Variants in STS observed in about 807,000 individuals in gnomAD.
The protein encoded by STS is steryl-sulfatase.
STS carries 7 observed loss-of-function variants against 26.8 expected under a neutral mutation model. That is an observed-to-expected ratio of 0.26 (90% CI 0.15 to 0.49). The LOEUF is 0.49. Ranked by LOEUF, STS falls within the 20% of genes least tolerant of loss-of-function variation. The pLI, the probability that STS is intolerant of heterozygous loss-of-function variation, is 0.98. For synonymous variants in STS, 199 were observed against 189.4 expected (o/e 1.05, Z -0.42); for missense variants, 434 against 465.6 (o/e 0.93, Z 0.63).
chrX:7,347,055 C>T (rs977458086), intron 10 of STS, among the ~76,000 whole-genome samples: 1 of 112,048 alleles, frequency 8.9e-6, no homozygotes, highest in African/African-American at 3.2e-5. Flanking sequence ...AGTGATAATG[C>T]AAGACCCTGT....
intron 6 of STS, among the ~76,000 whole-genome samples, chrX:7,267,222 C>T (rs1816751282): frequency 8.9e-6 from 1 of 111,915 alleles, no homozygotes; most frequent in Admixed American, 9.5e-5. Flanking sequence ...GTCTCAACAC[C>T]TTTCTCCAGA....
At chrX:7,180,671 A>G (rs982568731) in intron 1 of STS, among the ~76,000 whole-genome samples, 3 of 112,112 alleles carry the variant, frequency 2.7e-5, no homozygotes, top group Non-Finnish European at 5.6e-5. Flanking sequence ...TTCTGCCTGT[A>G]AAACTAGGTG....
At chrX:7,223,607 G>T (rs1383752675) in intron 2 of STS, among the ~76,000 whole-genome samples, 2 of 107,527 alleles carry the variant, frequency 1.9e-5, no homozygotes, top group East Asian at 2.9e-4. Context: ...ATTTGTTTTT[G>T]TTTTTTTTTC....
Position 7,315,207 on chromosome X carries a change from A to G in STS, c.1081+10024A>G, listed in dbSNP as rs1228613490. On this transcript the variant is annotated intron_variant, in intron 8 of 10. Transcript: ENST00000674429. ...TTTCACTATTACTTTAGTTGATTTA[A>G]CAGTGCATTAGACAGTTTGTTCTCA... Among the ~76,000 whole-genome samples the G allele has an allele frequency of 2.7e-5, 3 of 112,357 alleles. No individual in the cohort carries two copies. In the East Asian group the frequency reaches 8.3e-4, roughly 31 times the overall value.
At chrX:7,204,188 T>A (rs1788608208) in intron 2 of STS, among the ~76,000 whole-genome samples, 1 of 111,826 alleles carries the variant, frequency 8.9e-6, no homozygotes, top group Non-Finnish European at 1.9e-5. Flanking sequence ...TGAAAAAATA[T>A]TCTTCAAAAA....
intron 3 of STS, among the ~76,000 whole-genome samples, chrX:7,254,732 C>T (rs1318841829): frequency 3.7e-5 from 4 of 108,568 alleles, no homozygotes; most frequent in East Asian, 2.9e-4. Context: ...TACAGGTGTG[C>T]GCCACCATGC....
chrX:7,293,248 G>T (rs775775341), intron 7 of STS, among the ~76,000 whole-genome samples: 197 of 112,041 alleles, frequency 1.8e-3, no homozygotes, highest in Middle Eastern at 4.6e-3. Flanking sequence ...CCACAAAAAT[G>T]TTTATTGGAC....
At chrX:7,291,065 G>A (rs572829096) in intron 7 of STS, among the ~76,000 whole-genome samples, 4 of 111,631 alleles carry the variant, frequency 3.6e-5, no homozygotes, top group Admixed American at 2.9e-4. Flanking sequence ...GTGACCTTTC[G>A]TTGGTTTGGT....
At chrX:7,214,909 A>G (rs1355025736) in intron 2 of STS, among the ~76,000 whole-genome samples, 6 of 92,825 alleles carry the variant, frequency 6.5e-5, no homozygotes, top group African/African-American at 2.9e-4. Context: ...GTATTCCATC[A>G]TATATATATA....
At chrX:7,312,670 ACT>A (rs1926537323) in intron 8 of STS, among the ~76,000 whole-genome samples, 1 of 108,411 alleles carries the variant, frequency 9.2e-6, no homozygotes, top group South Asian at 4.0e-4. Context: ...CCCTTCACAC[ACT>A]CTCTTGCCTG....
intron 8 of STS, among the ~76,000 whole-genome samples, chrX:7,320,043 TTATA>T (rs1298112628): frequency 1.1e-5 from 1 of 94,079 alleles, no homozygotes; most frequent in Non-Finnish European, 2.0e-5. Context: ...TATTTATATA[TTATA>T]TATATTTATA....
At chrX:7,263,509 A>T (rs1923853718) in intron 6 of STS, among the ~76,000 whole-genome samples, 1 of 112,909 alleles carries the variant, frequency 8.9e-6, no homozygotes, top group Non-Finnish European at 1.9e-5. Flanking sequence ...GCCTAGGAGT[A>T]ATAGGCTTTA....
At chrX:7,162,767 C>T (rs1209799010) in intron 1 of STS, among the ~76,000 whole-genome samples, 4 of 107,152 alleles carry the variant, frequency 3.7e-5, no homozygotes, top group Non-Finnish European at 5.8e-5. Context: ...GTAAGACTGG[C>T]CGGGCGCAGT....
chrX:7,298,705 A>G (rs370164129), intron 7 of STS, among the ~76,000 whole-genome samples: 1 of 110,048 alleles, frequency 9.1e-6, no homozygotes, highest in South Asian at 3.8e-4. Context: ...AGCCACCCCC[A>G]GGTGGTACAA....
At chrX:7,214,953 G>GTA (rs1158158349) in intron 2 of STS, among the ~76,000 whole-genome samples, 18 of 82,552 alleles carry the variant, frequency 2.2e-4, no homozygotes, top group African/African-American at 2.7e-4. Flanking sequence ...ACATATATAC[G>GTA]TATATATATA....
At chrX:7,348,107 G>C (rs745747271) in intron 10 of STS, among the ~76,000 whole-genome samples, 1 of 111,597 alleles carries the variant, frequency 9.0e-6, no homozygotes, top group South Asian at 3.8e-4. Flanking sequence ...ACAGACTGCA[G>C]TCGTCTCATT....
chrX:7,323,224 T>A (rs139714769), intron 8 of STS, among the ~76,000 whole-genome samples: 216 of 110,806 alleles, frequency 1.9e-3, no homozygotes, highest in African/African-American at 6.7e-3. Context: ...CAAAACAACA[T>A]GTTTTTTTTT....
intron 2 of STS, among the ~76,000 whole-genome samples, chrX:7,218,407 A>C (rs1230665466): frequency 6.2e-5 from 7 of 112,388 alleles, no homozygotes; most frequent in African/African-American, 9.7e-5. Context: ...TTTTTGAATC[A>C]TTAGTCACAT....
chrX:7,205,797 G>A (rs759411399), intron 2 of STS, among the ~76,000 whole-genome samples: 5 of 108,921 alleles, frequency 4.6e-5, no homozygotes, highest in African/African-American at 1.3e-4. Flanking sequence ...AAAACAAATT[G>A]TAGAGACAAG....
Sources: allele counts gnomAD v4.1 joint callset (sites outside exome capture counted in the v4.1 genomes callset), GRCh38; gene constraint gnomAD v4.1.1; transcripts MANE v1.5; gene names NCBI Gene and HGNC (gene_info 2026-07-23, HGNC 2026-07-21).